Variants in CNOT2 observed in about 807,000 individuals in gnomAD.
CNOT2 encodes the protein CC chemokine receptor 4-negative regulator of transcription 2.
CNOT2 carries 7 observed loss-of-function variants against 72.1 expected under a neutral mutation model. The ratio of observed to expected loss-of-function variants is 0.10; its 90% CI spans 0.06 to 0.18. The LOEUF is 0.18. Among genes scored for constraint, CNOT2 ranks in the 10% least tolerant of loss-of-function variants. CNOT2 has a pLI of 1.00. For synonymous variants in CNOT2, 196 were observed against 225.6 expected (o/e 0.87, Z 1.17); for missense variants, 345 against 660.3 (o/e 0.52, Z 5.23).
chr12:70,343,544 G>A (rs1237831811), intron 13 of CNOT2, among the ~76,000 whole-genome samples: 1 of 152,204 alleles, frequency 6.6e-6, no homozygotes, highest in Non-Finnish European at 1.5e-5. Context: ...TTTGCTGAAA[G>A]CATACAACTG....
At chr12:70,305,873 G>GTT (rs11412509) in intron 2 of CNOT2, among the ~76,000 whole-genome samples, 3,051 of 60,000 alleles carry the variant, frequency 0.051, 175 homozygotes, top group East Asian at 0.17. Flanking sequence ...TCTGAAGTTT[G>GTT]TTTTTTTTTT....
At chr12:70,283,092 GTAAA>G (rs1286925796) in intron 2 of CNOT2, among the ~76,000 whole-genome samples, 2 of 152,002 alleles carry the variant, frequency 1.3e-5, no homozygotes, top group East Asian at 3.9e-4. Context: ...AATTGTAATT[GTAAA>G]TAAACAGTTA....
At chr12:70,308,555 T>TTCTCTCTCTCTCTCTCTCTCTCTCTCTC (rs3049213) in intron 2 of CNOT2, among the ~76,000 whole-genome samples, 1 of 134,256 alleles carries the variant, frequency 7.4e-6, no homozygotes, top group African/African-American at 2.8e-5. Context: ...TTGGTATATT[T>TTCTCTCTCTCTCTCTCTCTCTCTCTCTC]TCTCTCTCTC....
At chr12:70,343,858 TGCTTGGAA>T (rs1881827843) in intron 13 of CNOT2, 1 of 305,764 alleles carries the variant, frequency 3.3e-6, no homozygotes, top group African/African-American at 2.2e-5. Flanking sequence ...TAGTGGATCT[TGCTTGGAA>T]GTCTTTATTG....
Position 70,278,165 on chromosome 12 carries a change from C to A in CNOT2, c.-62C>A. The A allele has an allele frequency of 1.5e-6, 2 of 1,296,526 alleles. No homozygotes were observed. Among genetic ancestry groups the A allele is most frequent in the Non-Finnish European group, 2.2e-6 (2 of 901,150 alleles). The allele number at this position is 1,296,526 out of a possible 1,614,324, so 80.3% of individuals were successfully genotyped here. On this transcript the variant is annotated 5_prime_UTR_variant, in exon 2 of 16. Transcript: ENST00000229195. ...GTGGTGGGCGGTCCTTCCTGTGACA[C>A]GACCCTTGAGTGACAGTTCTATTTG...
chr12:70,337,283 A>G, intron 8 of CNOT2, 106 bp from the exon 9 acceptor site: 1 of 918,636 alleles, frequency 1.1e-6, no homozygotes, highest in Non-Finnish European at 1.6e-6. Context: ...AGCATTAAAA[A>G]AAAGAAACCT....
At chr12:70,275,172 A>T (rs1032461793) in intron 1 of CNOT2, among the ~76,000 whole-genome samples, 1 of 151,892 alleles carries the variant, frequency 6.6e-6, no homozygotes. Flanking sequence ...TCTTTTCTAT[A>T]CTTTAAATAT....
chr12:70,252,226 A>C (rs1346390174), intron 1 of CNOT2, among the ~76,000 whole-genome samples: 1 of 152,074 alleles, frequency 6.6e-6, no homozygotes. Context: ...TCACTTTGTC[A>C]CCCAGGCTGG....
intron 15 of CNOT2, among the ~76,000 whole-genome samples, chr12:70,352,186 A>G (rs1463481187): frequency 1.3e-5 from 2 of 151,298 alleles, no homozygotes; most frequent in Non-Finnish European, 3.0e-5. Flanking sequence ...CAAAAGACAC[A>G]GGCTTTTTGT....
chr12:70,301,634 T>C (rs550131410), intron 2 of CNOT2: 10 of 152,390 alleles, frequency 6.6e-5, no homozygotes, highest in Non-Finnish European at 1.3e-4. Flanking sequence ...CTGTATTTTA[T>C]TGAGGATTTT....
chr12:70,284,583 T>C (rs1870541184), intron 2 of CNOT2, among the ~76,000 whole-genome samples: 1 of 151,308 alleles, frequency 6.6e-6, no homozygotes, highest in African/African-American at 2.4e-5. Flanking sequence ...GACCTTTTTT[T>C]TTTTTTTTTT....
chr12:70,341,148 A>G (rs1366752751), intron 11 of CNOT2, among the ~76,000 whole-genome samples: 1 of 152,018 alleles, frequency 6.6e-6, no homozygotes, highest in East Asian at 1.9e-4. Flanking sequence ...GGCCTTCCAG[A>G]GTATTGGAAT....
intron 11 of CNOT2, among the ~76,000 whole-genome samples, chr12:70,341,446 C>G (rs1476373500): frequency 6.6e-6 from 1 of 152,114 alleles, no homozygotes; most frequent in East Asian, 1.9e-4. Flanking sequence ...TTAATGAAAC[C>G]TAACTGACCA....
At chr12:70,253,956 A>G (rs1309086009) in intron 1 of CNOT2, among the ~76,000 whole-genome samples, 3 of 152,164 alleles carry the variant, frequency 2.0e-5, no homozygotes, top group Non-Finnish European at 4.4e-5. Context: ...ATAATAAAAT[A>G]GGCCAGGCGC....
intron 1 of CNOT2, among the ~76,000 whole-genome samples, chr12:70,251,820 C>G (rs2066912565): frequency 6.6e-6 from 1 of 152,096 alleles, no homozygotes; most frequent in Non-Finnish European, 1.5e-5. Flanking sequence ...CAAGATTTTT[C>G]CGTTACTGGG....
chr12:70,253,557 T>C (rs975551468), intron 1 of CNOT2, among the ~76,000 whole-genome samples: 2 of 152,196 alleles, frequency 1.3e-5, no homozygotes, highest in African/African-American at 2.4e-5. Flanking sequence ...CTTCACACTT[T>C]GATTCAGATG....
chr12:70,338,900 T>C, intron 11 of CNOT2, 78 bp downstream of exon 11: 1 of 1,199,632 alleles, frequency 8.3e-7, no homozygotes, highest in Non-Finnish European at 1.2e-6. Context: ...GTCATCAAAT[T>C]ATCTCACCTA....
chr12:70,276,513 T>C (rs1868837912), intron 1 of CNOT2, among the ~76,000 whole-genome samples: 1 of 151,958 alleles, frequency 6.6e-6, no homozygotes, highest in Admixed American at 6.6e-5. Context: ...ATTAAAACGG[T>C]TAATATTTAG....
intron 1 of CNOT2, among the ~76,000 whole-genome samples, chr12:70,246,698 T>C (rs1957891910): frequency 6.6e-6 from 1 of 152,220 alleles, no homozygotes; most frequent in Non-Finnish European, 1.5e-5. Context: ...TGAAGTGGAA[T>C]GAAAGTTAGG....
Sources: allele counts gnomAD v4.1 joint callset (sites outside exome capture counted in the v4.1 genomes callset), GRCh38; gene constraint gnomAD v4.1.1; transcripts MANE v1.5; gene names NCBI Gene and HGNC (gene_info 2026-07-23, HGNC 2026-07-21).